The following RHOBTB3 variants were observed in gnomAD, a reference collection of about 807,000 sequenced individuals.
RHOBTB3 encodes rho-related BTB domain-containing protein 3.
Under a neutral mutation model 67.2 loss-of-function variants are expected in RHOBTB3, and 47 were observed. The ratio of observed to expected loss-of-function variants is 0.70; its 90% confidence interval spans 0.55 to 0.89. RHOBTB3 has a LOEUF of 0.89. RHOBTB3 is among the 40% of genes least tolerant of loss of function. The probability of loss-of-function intolerance (pLI) is 0.00; values close to 1 mark genes in which losing one functional copy is unlikely to be tolerated. For missense variants in RHOBTB3, 631 were observed against 750.0 expected (o/e 0.84, Z 1.85); for synonymous variants, 273 against 274.2 (o/e 1.00, Z 0.04).
intron 3 of RHOBTB3, among the ~76,000 whole-genome samples, chr5:95,744,685 C>G (rs1561442275): frequency 6.6e-6 from 1 of 152,136 alleles, no homozygotes; most frequent in East Asian, 1.9e-4. Flanking sequence ...CCCATCCATC[C>G]CTTGGAATAC....
intron 1 of RHOBTB3, among the ~76,000 whole-genome samples, chr5:95,718,293 G>T (rs751809300): frequency 1.3e-5 from 2 of 152,192 alleles, no homozygotes; most frequent in Non-Finnish European, 2.9e-5. Context: ...GGAGAAGAAA[G>T]GGGAAGTAGA....
intron 1 of RHOBTB3, 26 bp downstream of exon 1, chr5:95,731,710 T>C (rs1755261504): frequency 6.2e-7 from 1 of 1,613,190 alleles, no homozygotes; most frequent in Non-Finnish European, 8.5e-7. Context: ...CGTCCTGCCA[T>C]TGTCTCTCTC....
intron 8 of RHOBTB3, among the ~76,000 whole-genome samples, chr5:95,774,577 G>T (rs1337074452): frequency 1.3e-5 from 2 of 152,066 alleles, no homozygotes; most frequent in Non-Finnish European, 2.9e-5. Context: ...TCTGAAATTA[G>T]CATTATGTCC....
intron 7 of RHOBTB3, among the ~76,000 whole-genome samples, chr5:95,765,708 C>A (rs911393893): frequency 2.0e-5 from 3 of 152,248 alleles, no homozygotes; most frequent in Non-Finnish European, 4.4e-5. Context: ...ATCGCCCAGG[C>A]TGGAATGCAG....
At chr5:95,751,782 A>G (rs946115508) in intron 4 of RHOBTB3, among the ~76,000 whole-genome samples, 3 of 152,178 alleles carry the variant, frequency 2.0e-5, no homozygotes, top group African/African-American at 7.2e-5. Context: ...AAGTGAGAAC[A>G]TGTGGTATTT....
intron 4 of RHOBTB3, among the ~76,000 whole-genome samples, chr5:95,749,955 G>C (rs1256390144): frequency 1.3e-5 from 2 of 152,112 alleles, no homozygotes; most frequent in African/African-American, 4.8e-5. Context: ...TGCAATTAGG[G>C]TTAGAGGCAT....
At chr5:95,754,239 G>A (rs1225940575) in intron 5 of RHOBTB3, among the ~76,000 whole-genome samples, 4 of 152,218 alleles carry the variant, frequency 2.6e-5, no homozygotes, top group African/African-American at 7.2e-5. Flanking sequence ...GTACTCTTCT[G>A]TTAAGAGAGC....
Position 95,783,934 on chromosome 5 carries a change from G to A in RHOBTB3, c.1594G>A (p.Asp532Asn), listed in dbSNP as rs776569745. 1.2e-6 allele frequency: 2 copies of A among 1,613,628 alleles called. No homozygotes were observed. Among genetic ancestry groups the A allele is most frequent in the Non-Finnish European group, 1.7e-6 (2 of 1,179,662 alleles). ...PSRELASMNL[D>N]IVDLLKKAKF... ...CAGGGAACTGGCATCCATGAACCTT[G>A]ATATAGTTGACCTGCTTAAAAAGGC... The change falls in exon 10 of 12, where the codon GAT becomes AAT. Residue 532 changes from aspartate (D) to asparagine (N), a missense_variant. By Grantham distance (23) the Asp-to-Asn change is conservative (BLOSUM62 1). Coordinates refer to ENST00000379982, the MANE Select transcript of RHOBTB3 (RefSeq NM_014899.4).
At chr5:95,732,192 A>G (rs1040481399) in intron 2 of RHOBTB3, 108 bp downstream of exon 2, 4 of 968,930 alleles carry the variant, frequency 4.1e-6, no homozygotes, top group Non-Finnish European at 6.5e-6. Context: ...TCCGCGTTAC[A>G]TGGGTCAAAT....
rs923738860 is a variant in RHOBTB3, at chr5:95,793,747, T to C, written c.*573T>C. On this transcript the variant is annotated 3_prime_UTR_variant, in exon 12 of 12. Transcript: ENST00000379982. ...CCTGCTTTTCATCTGGACAACCCAA[T>C]TGAGCCACTTTATCTCCTTTTGGCA... 5.6e-5 allele frequency: 14 copies of C among 251,950 alleles called. No homozygotes were observed. The highest frequency in any genetic ancestry group is 1.1e-4 in the Non-Finnish European group (14 of 125,574). The allele number at this position is 251,950 out of a possible 1,614,324, so 15.6% of individuals were successfully genotyped here.
chr5:95,731,209 C>A, upstream of RHOBTB3: 1 of 1,001,592 alleles, frequency 1.0e-6, no homozygotes, highest in Non-Finnish European at 1.2e-6. Context: ...CCGCGGGGAG[C>A]GCGTCCCCCG....
intron 7 of RHOBTB3, among the ~76,000 whole-genome samples, chr5:95,765,061 G>A (rs1330945285): frequency 1.3e-5 from 2 of 152,062 alleles, no homozygotes; most frequent in Admixed American, 6.5e-5. Flanking sequence ...TTACGGACCA[G>A]TGAAAATGTA....
chr5:95,770,961 G>C (rs1338441714), intron 8 of RHOBTB3, among the ~76,000 whole-genome samples: 1 of 151,266 alleles, frequency 6.6e-6, no homozygotes, highest in African/African-American at 2.4e-5. Context: ...TTACATTCCT[G>C]ATACTGGGTG....
At chr5:95,748,511 A>G (rs747458560) in intron 4 of RHOBTB3, 24 bp downstream of exon 4, 4 of 1,578,542 alleles carry the variant, frequency 2.5e-6, no homozygotes, top group Non-Finnish European at 3.5e-6. Context: ...CCTGTTAAGT[A>G]TAAAGTTATT....
At chr5:95,721,660 C>A (rs1754882684) in intron 1 of RHOBTB3, among the ~76,000 whole-genome samples, 2 of 143,582 alleles carry the variant, frequency 1.4e-5, no homozygotes. Flanking sequence ...TTAAGGAGCT[C>A]TAAAGAGGAA....
chr5:95,743,343 A>G (rs1274671990), intron 3 of RHOBTB3, among the ~76,000 whole-genome samples: 2 of 151,990 alleles, frequency 1.3e-5, no homozygotes, highest in East Asian at 3.9e-4. Context: ...AAGTAGGAAA[A>G]CACCCAGGAT....
chr5:95,780,880 C>G lies in RHOBTB3; in HGVS notation c.1456+455C>G, dbSNP rs111884323. 3.8e-3 allele frequency among the ~76,000 whole-genome samples: 579 copies of G among 152,222 alleles called. 3 individuals carry two copies. The highest frequency in any genetic ancestry group is 0.013 in the African/African-American group (556 of 41,538). ...TTCAATATTCTGAGACTTTTTTGGTCTTCCTTCTGCCCAGAGGATGTGGGA... is the reference window on the plus strand; with the variant it reads ...TTCAATATTCTGAGACTTTTTTGGTGTTCCTTCTGCCCAGAGGATGTGGGA... On this transcript the variant is annotated intron_variant, in intron 9 of 11. Transcript: ENST00000379982.
rs1247135817 is a variant in RHOBTB3 at position 95,780,408 on chromosome 5, C to G, written c.1439C>G (p.Thr480Arg). The G allele has an allele frequency of 1.2e-6, 2 of 1,613,828 alleles. No homozygotes were observed. The highest frequency in any genetic ancestry group is 1.3e-5 in the African/African-American group (1 of 74,940). Residue 480 changes from threonine (T) to arginine (R), a missense_variant, in exon 9 of 12, where the codon ACA (threonine) becomes AGA (arginine). By Grantham distance (71) the Thr-to-Arg change is moderately conservative. Coordinates refer to ENST00000379982, the MANE Select transcript of RHOBTB3 (RefSeq NM_014899.4). ...TTGTCATTTTTAGAATACCTGTACACAGACTCCTGCTGCCCAGGTTAGCAA... is the reference window on the plus strand; with the variant it reads ...TTGTCATTTTTAGAATACCTGTACAGAGACTCCTGCTGCCCAGGTTAGCAA... ...TFLSFLEYLY[T>R]DSCCPAGIFQ...
intron 1 of RHOBTB3, among the ~76,000 whole-genome samples, chr5:95,722,426 A>G (rs1213557712): frequency 2.0e-5 from 3 of 152,188 alleles, no homozygotes; most frequent in African/African-American, 4.8e-5. Flanking sequence ...TACACAATCA[A>G]TGGTGCTTGA....
Sources: allele counts gnomAD v4.1 joint callset (sites outside exome capture counted in the v4.1 genomes callset), GRCh38; gene constraint gnomAD v4.1.1; transcripts MANE v1.5; gene names NCBI Gene and HGNC (gene_info 2026-07-23, HGNC 2026-07-21).